SLC12A2: variants seen among roughly 807,000 people sequenced by gnomAD.
The protein encoded by SLC12A2 is Na-K-2Cl cotransporter 1.
In SLC12A2, 67 loss-of-function variants were observed where a neutral mutation model predicts 136.3. That is an observed-to-expected ratio of 0.49 (90% confidence interval 0.40 to 0.60). The LOEUF (loss-of-function observed/expected upper bound fraction) is 0.60. Ranked by LOEUF, SLC12A2 falls within the 20% of genes least tolerant of loss-of-function variation. The pLI is 0.00. For missense variants in SLC12A2, 1,322 were observed against 1,534.7 expected, an observed-to-expected ratio of 0.86 and a Z score of 2.32; for synonymous variants, 619 against 562.9, an observed-to-expected ratio of 1.10 and a Z score of -1.41.
intron 17 of SLC12A2, among the ~76,000 whole-genome samples, chr5:128,162,465 A>G (rs1489389826): frequency 6.6e-6 from 1 of 152,176 alleles, no homozygotes; most frequent in Non-Finnish European, 1.5e-5. Context: ...TAAATTTAAA[A>G]GGCAAATTTG....
intron 1 of SLC12A2, chr5:128,109,671 C>T (rs1027957261): frequency 2.4e-5 from 23 of 957,944 alleles, no homozygotes; most frequent in Non-Finnish European, 3.6e-5. Context: ...AGCTTCACAT[C>T]TTCTCCAGGC....
chr5:128,106,419 T>A (rs1364061845), intron 1 of SLC12A2, among the ~76,000 whole-genome samples: 1 of 152,170 alleles, frequency 6.6e-6, no homozygotes, highest in East Asian at 1.9e-4. Context: ...CTTATTTCTC[T>A]GAAACAAATT....
At chr5:128,178,362 TAA>T (rs1763597908) in intron 21 of SLC12A2, 4 of 329,716 alleles carry the variant, frequency 1.2e-5, no homozygotes, top group South Asian at 1.4e-4. Context: ...TTAGCTATTG[TAA>T]AGAGTTATTT....
intron 1 of SLC12A2, among the ~76,000 whole-genome samples, chr5:128,107,921 T>C (rs1761001914): frequency 6.6e-6 from 1 of 152,068 alleles, no homozygotes; most frequent in Non-Finnish European, 1.5e-5. Context: ...ATGTAATTTC[T>C]CCACATCCTC....
At chr5:128,095,006 T>A (rs1362984514) in intron 1 of SLC12A2, among the ~76,000 whole-genome samples, 1 of 152,172 alleles carries the variant, frequency 6.6e-6, no homozygotes, top group African/African-American at 2.4e-5. Context: ...ATATCTAAAA[T>A]AACTCTTTTC....
rs1210632045 is a variant in SLC12A2, at chr5:128,084,566, C to T, written c.612C>T (p.His204=). The part of the protein sequence containing the change: ...GHHQHYYYDT[H]TNTYYLRTFG... ...ACCAGCACTACTATTATGATACCCA[C>T]ACCAACACCTACTACCTGCGCACCT... Residue 204 remains histidine, a synonymous_variant, in exon 1 of 27, where the codon CAC becomes CAT. Transcript: ENST00000262461. The surrounding 1 kb of genome is among the most constrained non-coding windows in gnomAD (Gnocchi z 5.6). 1 of 1,613,748 alleles carries T rather than the reference C, an allele frequency of 6.2e-7. No homozygotes were observed. The highest frequency in any genetic ancestry group is 2.2e-5 in the East Asian group (1 of 44,878).
chr5:128,174,366 T>TGGTTTATGTATTTAAA (rs1315587386), intron 19 of SLC12A2, among the ~76,000 whole-genome samples, 175 bp from the exon 20 acceptor site: 3 of 152,154 alleles, frequency 2.0e-5, no homozygotes, highest in African/African-American at 7.2e-5. Flanking sequence ...AACCTAGTTG[T>TGGTTTATGTATTTAAA]GGTTTATGTA....
At chr5:128,112,428 A>G (rs73337322) in intron 1 of SLC12A2, among the ~76,000 whole-genome samples, 203 of 152,302 alleles carry the variant, frequency 1.3e-3, no homozygotes, top group African/African-American at 4.7e-3. Flanking sequence ...GAAATTTCAG[A>G]TGTAGGACTG....
chr5:128,151,674 T>G (rs114589080), intron 14 of SLC12A2, among the ~76,000 whole-genome samples: 13 of 152,232 alleles, frequency 8.5e-5, no homozygotes, highest in Non-Finnish European at 1.9e-4. Context: ...AAGAATAAAT[T>G]CATGTAATTA....
intron 1 of SLC12A2, among the ~76,000 whole-genome samples, chr5:128,085,227 A>G (rs1024150934): frequency 6.6e-6 from 1 of 152,110 alleles, no homozygotes; most frequent in South Asian, 2.1e-4. Flanking sequence ...TTAAAGCTCA[A>G]TTCTTGCAAT....
At chr5:128,087,754 A>C (rs1037045669) in intron 1 of SLC12A2, among the ~76,000 whole-genome samples, 1 of 152,188 alleles carries the variant, frequency 6.6e-6, no homozygotes, top group Non-Finnish European at 1.5e-5. Flanking sequence ...AAGAGACTCA[A>C]GTGATTACTG....
chr5:128,126,962 A>AATTT (rs1554105151), intron 4 of SLC12A2, among the ~76,000 whole-genome samples: 1 of 23,328 alleles, frequency 4.3e-5, no homozygotes, highest in Non-Finnish European at 7.4e-5. Context: ...ATATATATAT[A>AATTT]TATATTTTTT....
intron 1 of SLC12A2, among the ~76,000 whole-genome samples, chr5:128,101,899 T>C (rs890826096): frequency 7.9e-5 from 12 of 152,234 alleles, no homozygotes; most frequent in Non-Finnish European, 1.8e-4. Context: ...AACACCACCA[T>C]GTGGAATGGT....
At chr5:128,104,867 A>G (rs981370625) in intron 1 of SLC12A2, among the ~76,000 whole-genome samples, 1 of 152,196 alleles carries the variant, frequency 6.6e-6, no homozygotes, top group Non-Finnish European at 1.5e-5. Flanking sequence ...CTGGAGCTAT[A>G]CAGTGCAGAA....
chr5:128,084,730 C>T lies in SLC12A2; in HGVS notation c.756+20C>T, dbSNP rs767651051. ...GAAAAGGTGAGCTCGCCCAGCCCTC[C>T]CTTCTTCCCCAGCCCCTGGTGCATG... On this transcript the variant is annotated intron_variant, in intron 1 of 26. Coordinates refer to ENST00000262461, the MANE Select transcript of SLC12A2 (RefSeq NM_001046.3). The surrounding 1 kb of genome is among the most constrained non-coding windows in gnomAD (Gnocchi z 5.6). The T allele has an allele frequency of 4.5e-6, 7 of 1,543,324 alleles. No homozygotes were observed. Among genetic ancestry groups the T allele is most frequent in the Non-Finnish European group, 4.4e-6 (5 of 1,141,998 alleles).
rs1158597723 is a variant in SLC12A2 at position 128,109,348 on chromosome 5, C to T, written c.757-3466C>T. ...GAAACCCACGTGCCTGCCCTGCATG[C>T]CTGCCCTGCATGCCAGGCAGCACGC... On this transcript the variant is annotated intron_variant, in intron 1 of 26. Coordinates refer to ENST00000262461, the MANE Select transcript of SLC12A2 (RefSeq NM_001046.3). 22 of 286,066 alleles carry T rather than the reference C, an allele frequency of 7.7e-5. No individual in the cohort carries two copies. In the Admixed American group the frequency reaches 1.0e-3, roughly 13 times the overall value. 17.7% of individuals were successfully genotyped at this position (286,066 alleles called of 1,614,324 possible).
At chr5:128,166,806 T>A (rs1353833035) in intron 17 of SLC12A2, among the ~76,000 whole-genome samples, 2 of 151,814 alleles carry the variant, frequency 1.3e-5, no homozygotes, top group Non-Finnish European at 2.9e-5. Context: ...AAAATGACAA[T>A]TTTTTTTATT....
At chr5:128,148,917 G>A (rs1762612437) in intron 12 of SLC12A2, 40 bp downstream of exon 12, 2 of 1,500,328 alleles carry the variant, frequency 1.3e-6, no homozygotes, top group South Asian at 2.6e-5. Flanking sequence ...GATTTTTGGT[G>A]CATATTAGTT....
chr5:128,083,982 T>G lies in SLC12A2; in HGVS notation c.28T>G (p.Ser10Ala), dbSNP rs1363346040. ...GGAGCCGCGGCCCACGGCGCCCTCCTCCGGCGCCCCGGGACTGGCCGGGGT... is the reference window on the plus strand; with the variant it reads ...GGAGCCGCGGCCCACGGCGCCCTCCGCCGGCGCCCCGGGACTGGCCGGGGT... Reference protein sequence around the residue: MEPRPTAPSSGAPGLAGVGE... With the variant: MEPRPTAPSAGAPGLAGVGE... Residue 10 changes from serine (S) to alanine (A), a missense_variant, in exon 1 of 27, where the codon TCC (serine) becomes GCC (alanine). This residue lies in a region of SLC12A2 where 358 missense variants were observed against 299.7 expected (regional missense o/e 1.19). Coordinates refer to ENST00000262461, the MANE Select transcript of SLC12A2 (RefSeq NM_001046.3). 16 of 1,241,880 alleles carry G rather than the reference T, an allele frequency of 1.3e-5. No individual in the cohort carries two copies. The highest frequency in any genetic ancestry group is 1.3e-5 in the Non-Finnish European group (13 of 993,376). 76.9% of individuals were successfully genotyped at this position (1,241,880 alleles called of 1,614,324 possible).
Sources: gnomAD v4.1 joint callset for allele counts (sites outside exome capture counted in the v4.1 genomes callset) on GRCh38, gnomAD v4.1.1 for gene constraint, gnomAD v4.1.1 regional missense constraint, Gnocchi (gnomAD v3.1) non-coding constraint, MANE v1.5 for transcripts, NCBI Gene and HGNC (gene_info 2026-07-23, HGNC 2026-07-21) for gene names.